Variants in FBXW10B observed in about 807,000 individuals in gnomAD.
FBXW10B encodes F-box and WD repeat domain containing protein 10B.
chr17:15,592,955 T>A, the FBXW10B span, among the ~76,000 whole-genome samples: 3 of 150,088 alleles, frequency 2.0e-5, no homozygotes, highest in Non-Finnish European at 1.5e-5. Context: ...ATACTAAAAA[T>A]TAGCCGGGCA....
At chr17:15,608,240 A>G in the FBXW10B span, among the ~76,000 whole-genome samples, 1 of 144,344 alleles carries the variant, frequency 6.9e-6, no homozygotes, top group African/African-American at 2.6e-5. Flanking sequence ...AGCTCACTGC[A>G]ACCTCCGCCC....
the FBXW10B span, among the ~76,000 whole-genome samples, chr17:15,597,235 G>A: frequency 6.7e-6 from 1 of 149,444 alleles, no homozygotes; most frequent in Non-Finnish European, 1.5e-5. Flanking sequence ...GCTAGGGGTG[G>A]GTTTACTGCT....
chr17:15,595,892 C>G, the FBXW10B span, among the ~76,000 whole-genome samples: 1 of 151,256 alleles, frequency 6.6e-6, no homozygotes, highest in African/African-American at 2.4e-5. Context: ...CGTTCATCCC[C>G]TCACCCCATG....
chr17:15,613,845 T>C, the FBXW10B span: 1 of 1,608,558 alleles, frequency 6.2e-7, no homozygotes, highest in East Asian at 2.2e-5. Flanking sequence ...AGAATGTACT[T>C]GGAGAGGTGG....
At chr17:15,598,232 A>G in the FBXW10B span, among the ~76,000 whole-genome samples, 2 of 152,174 alleles carry the variant, frequency 1.3e-5, no homozygotes, top group Non-Finnish European at 2.9e-5. Context: ...TTAGGAGACA[A>G]TGAGCCCTTT....
At chr17:15,615,573 A>C in the FBXW10B span, 3,206 of 1,593,962 alleles carry the variant, frequency 2.0e-3, 3 homozygotes, top group Non-Finnish European at 2.6e-3. Context: ...TCGGCCTCCC[A>C]AAGTGCTGGG....
At chr17:15,596,612 G>A in the FBXW10B span, 6 of 1,613,216 alleles carry the variant, frequency 3.7e-6, no homozygotes, top group East Asian at 2.2e-5. Context: ...GCCAAGATGG[G>A]GTCTTTGTGT....
At chr17:15,586,155 T>C in the FBXW10B span, among the ~76,000 whole-genome samples, 3 of 151,688 alleles carry the variant, frequency 2.0e-5, no homozygotes, top group Non-Finnish European at 4.4e-5. Context: ...GTTTCTACCG[T>C]TAACCATTGG....
chr17:15,614,478 G>A, the FBXW10B span, among the ~76,000 whole-genome samples: 1 of 152,094 alleles, frequency 6.6e-6, no homozygotes, highest in Non-Finnish European at 1.5e-5. Flanking sequence ...ACAGGCGTGA[G>A]GCACTGCACC....
chr17:15,589,387 A>G, the FBXW10B span: 4 of 359,560 alleles, frequency 1.1e-5, no homozygotes, highest in Non-Finnish European at 1.5e-5. Flanking sequence ...CTATGATGAA[A>G]ATCACAAACG....
chr17:15,607,324 G>A, the FBXW10B span, among the ~76,000 whole-genome samples: 4 of 147,078 alleles, frequency 2.7e-5, no homozygotes, highest in Non-Finnish European at 6.0e-5. Flanking sequence ...GATTTTATGT[G>A]TGACTTGTGC....
At chr17:15,601,078 T>C in the FBXW10B span, among the ~76,000 whole-genome samples, 2 of 100,890 alleles carry the variant, frequency 2.0e-5, no homozygotes, top group African/African-American at 7.8e-5. Flanking sequence ...AAAGATAATA[T>C]ATTGTCATTT....
At chr17:15,614,405 A>G in the FBXW10B span, among the ~76,000 whole-genome samples, 1 of 151,694 alleles carries the variant, frequency 6.6e-6, no homozygotes, top group African/African-American at 2.4e-5. Context: ...CGTGTTAGCC[A>G]GGATGGTCTC....
the FBXW10B span, among the ~76,000 whole-genome samples, chr17:15,610,414 T>C: frequency 6.6e-6 from 1 of 152,170 alleles, no homozygotes; most frequent in Admixed American, 6.5e-5. Context: ...CCCATACATC[T>C]TTCTGCAGCT....
the FBXW10B span, among the ~76,000 whole-genome samples, chr17:15,579,167 A>G: frequency 6.6e-6 from 1 of 151,850 alleles, no homozygotes; most frequent in South Asian, 2.1e-4. Context: ...ATAAATAAAT[A>G]AATAAAAAGG....
At chr17:15,568,381 A>G in the FBXW10B span, among the ~76,000 whole-genome samples, 3 of 151,920 alleles carry the variant, frequency 2.0e-5, no homozygotes, top group Non-Finnish European at 2.9e-5. Context: ...CTACAAGGAC[A>G]GGCCCAGTGT....
the FBXW10B span, among the ~76,000 whole-genome samples, chr17:15,617,466 C>T: frequency 6.6e-6 from 1 of 152,108 alleles, no homozygotes; most frequent in Non-Finnish European, 1.5e-5. Flanking sequence ...AATTCTCTTG[C>T]CTCCTGATAC....
At chr17:15,570,603 A>T in the FBXW10B span, among the ~76,000 whole-genome samples, 2 of 152,222 alleles carry the variant, frequency 1.3e-5, no homozygotes, top group Non-Finnish European at 2.9e-5. Context: ...AGTATATAAT[A>T]AGGCAAGAGA....
At chr17:15,574,193 G>C in the FBXW10B span, 27 of 711,766 alleles carry the variant, frequency 3.8e-5, no homozygotes, top group African/African-American at 4.2e-4. Flanking sequence ...TCTGGGAGCA[G>C]ACACAAAAGG....
Sources: allele counts gnomAD v4.1 joint callset (sites outside exome capture counted in the v4.1 genomes callset), GRCh38; gene constraint gnomAD v4.1.1; transcripts MANE v1.5; gene names NCBI Gene and HGNC (gene_info 2026-07-23, HGNC 2026-07-21).